NCOR1: variants seen among roughly 807,000 people sequenced by gnomAD.
NCOR1 encodes nuclear receptor corepressor 1.
A neutral mutation model predicts 288.1 loss-of-function variants in NCOR1; 63 were observed. The observed-to-expected ratio is 0.22, with a 90% confidence interval of 0.18 to 0.27. The LOEUF (loss-of-function observed/expected upper bound fraction) is 0.27. Among genes scored for constraint, NCOR1 ranks in the 10% least tolerant of loss-of-function variants. NCOR1 has a pLI of 1.00. For missense variants in NCOR1, 2,397 were observed against 3,019.2 expected, an observed-to-expected ratio of 0.79 and a Z score of 4.83; for synonymous variants, 1,007 against 1,065.9, an observed-to-expected ratio of 0.94 and a Z score of 1.08.
chr17:16,106,854 C>CATAT lies in NCOR1; in HGVS notation c.2182+1928_2182+1931dup, dbSNP rs1162344281. Among the ~76,000 whole-genome samples, 354 of 46,140 alleles carry CATAT rather than the reference C, an allele frequency of 7.7e-3. 2 individuals are homozygous for CATAT. Among genetic ancestry groups the CATAT allele is most frequent in the Middle Eastern group, 0.037 (2 of 54 alleles). The allele number at this position is 46,140 out of a possible 152,430, so 30.3% of individuals were successfully genotyped here. ...TGGTGCCACCCTACACTTGATCAGACATATATATATATATATATATATATA... is the reference window on the plus strand; with the variant it reads ...TGGTGCCACCCTACACTTGATCAGACATATATATATATATATATATATATATATA... On this transcript the variant is annotated intron_variant, in intron 19 of 45. Transcript: ENST00000268712.
chr17:16,189,307 T>C (rs1462418258), intron 2 of NCOR1, among the ~76,000 whole-genome samples: 2 of 152,050 alleles, frequency 1.3e-5, no homozygotes, highest in African/African-American at 4.8e-5. Context: ...GGCATGAGAA[T>C]TGCTTGCACC....
chr17:16,054,551 C>T (rs1299998342), intron 40 of NCOR1, among the ~76,000 whole-genome samples: 1 of 151,848 alleles, frequency 6.6e-6, no homozygotes, highest in Non-Finnish European at 1.5e-5. Flanking sequence ...GGGCAAATGA[C>T]ATGAACAGAC....
chr17:16,077,439 T>C (rs990250610), intron 26 of NCOR1, among the ~76,000 whole-genome samples: 2 of 100,722 alleles, frequency 2.0e-5, no homozygotes, highest in African/African-American at 3.8e-5. Flanking sequence ...AAAGGAAAGG[T>C]AAGGAAAGGG....
Position 16,080,513 on chromosome 17 carries a change from T to C in NCOR1, c.3299-4A>G, listed in dbSNP as rs2152815961. ...TGCTTGATGTAGGGCAAAGTAGCTG[T>C]GGAAAGGCAGAGAAACATGAAACAA... is the stretch of plus-strand genomic sequence containing the variant. On this transcript the variant is annotated splice_region_variant and splice_polypyrimidine_tract_variant and intron_variant, in intron 24 of 45. Coordinates refer to ENST00000268712, the MANE Select transcript of NCOR1 (RefSeq NM_006311.4). 1 of 1,613,966 alleles carries C rather than the reference T, an allele frequency of 6.2e-7. No homozygotes were observed. Among genetic ancestry groups the C allele is most frequent in the Non-Finnish European group, 8.5e-7 (1 of 1,179,942 alleles).
intron 11 of NCOR1, among the ~76,000 whole-genome samples, chr17:16,140,580 A>C (rs2077005539): frequency 6.6e-6 from 1 of 152,166 alleles, no homozygotes; most frequent in South Asian, 2.1e-4. Context: ...TTGGGAGGCC[A>C]AGGCAGGTGG....
At chr17:16,204,000 T>C (rs573145160) in intron 1 of NCOR1, among the ~76,000 whole-genome samples, 97 of 152,186 alleles carry the variant, frequency 6.4e-4, no homozygotes, top group African/African-American at 2.2e-3. Flanking sequence ...TAGACCAGAA[T>C]TGTCAAAGTC....
In NCOR1 at chr17:16,072,189, G is replaced by C. The variant is rs1368971970; in HGVS notation, c.3851C>G (p.Ser1284Cys). ...CRALPRGSPHSDLKERTVLSG... is the reference protein window; with the variant it reads ...CRALPRGSPHCDLKERTVLSG... ...CAATACAGTCCTTTCTTTGAGGTCA[G>C]AATGAGGACTCCCCCTGGGTAATGC... Residue 1284 changes from serine to cysteine, a missense_variant, in exon 29 of 46, where the codon TCT becomes TGT. Physicochemically the swap from Ser to Cys is moderately radical, Grantham distance 112. Transcript: ENST00000268712. The C allele has an allele frequency of 6.8e-6, 11 of 1,612,760 alleles. No homozygotes were observed. Among genetic ancestry groups the C allele is most frequent in the Non-Finnish European group, 9.3e-6 (11 of 1,179,368 alleles).
intron 2 of NCOR1, chr17:16,192,290 G>GATCACTT (rs1338847499): frequency 1.3e-5 from 2 of 151,132 alleles, no homozygotes; most frequent in African/African-American, 2.4e-5. Flanking sequence ...GAGGCAGGCA[G>GATCACTT]ATCACTTGAG....
chr17:16,184,746 G>A (rs1484278959), intron 3 of NCOR1, among the ~76,000 whole-genome samples: 2 of 152,066 alleles, frequency 1.3e-5, no homozygotes, highest in African/African-American at 4.8e-5. Flanking sequence ...TCACCATCTT[G>A]TAAAGGTAAA....
In NCOR1 at chr17:16,118,010, G is replaced by A. The variant is rs2153121553; in HGVS notation, c.1933C>T (p.Arg645Cys). 6.2e-7 allele frequency: 1 copy of A among 1,613,686 alleles called. No individual in the cohort carries two copies. The highest frequency in any genetic ancestry group is 8.5e-7 in the Non-Finnish European group (1 of 1,179,862). Residue 645 changes from arginine (R) to cysteine (C), a missense_variant, in exon 18 of 46, where the codon CGT (arginine) becomes TGT (cysteine). Around this residue, in one of 11 missense-constraint regions of NCOR1, gnomAD observed 24 missense variants for 84.3 expected, o/e 0.28. Transcript: ENST00000268712. ...ATTTTAGCAATTGCTGCCCAGTTACGACCATGTTCTACTAGACCTGCATTT... is the reference window on the plus strand; with the variant it reads ...ATTTTAGCAATTGCTGCCCAGTTACAACCATGTTCTACTAGACCTGCATTT... ...VAKKGLVEHG[R>C]NWAAIAKMVG...
At chr17:16,054,927 G>C (rs2059743905) in intron 40 of NCOR1, among the ~76,000 whole-genome samples, 1 of 152,070 alleles carries the variant, frequency 6.6e-6, no homozygotes, top group Admixed American at 6.5e-5. Context: ...GCAAGACTCT[G>C]TTTTAACAAC....
At chr17:16,119,232 C>T (rs533576101) in intron 17 of NCOR1, among the ~76,000 whole-genome samples, 191 bp downstream of exon 17, 2 of 152,234 alleles carry the variant, frequency 1.3e-5, no homozygotes, top group East Asian at 3.9e-4. Flanking sequence ...GCATCTTAAA[C>T]AAGGCACACT....
Position 16,138,991 on chromosome 17 carries a change from T to C in NCOR1, c.1352+17A>G. The C allele has an allele frequency of 6.7e-7, 1 of 1,486,432 alleles. No homozygotes were observed. The highest frequency in any genetic ancestry group is 9.0e-7 in the Non-Finnish European group (1 of 1,106,028). The allele number at this position is 1,486,432 out of a possible 1,614,324, so 92.1% of individuals were successfully genotyped here. A position where few individuals can be genotyped will look rare whatever the true frequency, so the allele number is the denominator to read the frequency against. On this transcript the variant is annotated intron_variant, in intron 12 of 45. Coordinates refer to ENST00000268712, the MANE Select transcript of NCOR1 (RefSeq NM_006311.4). ...TATGTAGATGTCTATTAGAGAATAA[T>C]TTAAAATATAAATTACTTGTCCTTA...
intron 3 of NCOR1, among the ~76,000 whole-genome samples, chr17:16,183,028 G>T (rs1209019784): frequency 1.3e-5 from 2 of 151,820 alleles, no homozygotes; most frequent in Non-Finnish European, 1.5e-5. Context: ...AAGAAGGAAA[G>T]TTCCTTAACA....
rs1165893850 is a variant in NCOR1, at chr17:16,065,625, T to A, written c.4811A>T (p.Tyr1604Phe). 1.9e-6 allele frequency: 3 copies of A among 1,614,078 alleles called. No individual in the cohort carries two copies. The highest frequency in any genetic ancestry group is 2.5e-6 in the Non-Finnish European group (3 of 1,180,046). ...TPGYPSQYQL[Y>F]AMENTRQTIL... is the part of the protein sequence containing the mutation. ...TGTCTGTCTTGTGTTCTCCATTGCGTAAAGCTGATACTGACTTGGGTAACC... is the reference window on the plus strand; with the variant it reads ...TGTCTGTCTTGTGTTCTCCATTGCGAAAAGCTGATACTGACTTGGGTAACC... The change falls in exon 33 of 46, where the codon TAC (tyrosine) becomes TTC (phenylalanine). Residue 1604 changes from tyrosine (Y) to phenylalanine (F), a missense_variant. Coordinates refer to ENST00000268712, the MANE Select transcript of NCOR1 (RefSeq NM_006311.4).
chr17:16,100,950 C>G (rs1447346300), intron 20 of NCOR1, among the ~76,000 whole-genome samples: 1 of 152,200 alleles, frequency 6.6e-6, no homozygotes, highest in Non-Finnish European at 1.5e-5. Context: ...TCCTCAGGCA[C>G]AACAGTTATC....
At position 16,121,093 on chromosome 17, in the gene NCOR1, GTAGCCGCTGCGGCTGCAGCAC is replaced by G. The variant is rs746733119; in HGVS notation, c.1790_1810del (p.Ser597_Ala603del). The G allele has an allele frequency of 6.8e-6, 11 of 1,614,074 alleles. No homozygotes were observed. The highest frequency in any genetic ancestry group is 9.3e-6 in the Non-Finnish European group (11 of 1,180,000). ...TGGCAGAGGTGGTGGGGGCTCTTCA[GTAGCCGCTGCGGCTGCAGCAC>G]TGGCAGCTGCAGCTTCGTTTGTCAT... On this transcript the variant is annotated inframe_deletion, in exon 16 of 46. Coordinates refer to ENST00000268712, the MANE Select transcript of NCOR1 (RefSeq NM_006311.4).
At chr17:16,145,956 A>T (rs1175701681) in intron 10 of NCOR1, among the ~76,000 whole-genome samples, 1 of 152,062 alleles carries the variant, frequency 6.6e-6, no homozygotes, top group Non-Finnish European at 1.5e-5. Flanking sequence ...TACTAAGAAA[A>T]ATTCTTCTGC....
intron 42 of NCOR1, among the ~76,000 whole-genome samples, chr17:16,042,160 C>CAA (rs10684399): frequency 1.3e-5 from 2 of 151,458 alleles, no homozygotes; most frequent in Non-Finnish European, 2.9e-5. Flanking sequence ...TTTAAACTGA[C>CAA]AGAGGAGAAA....
Sources: gnomAD v4.1 joint callset for allele counts (sites outside exome capture counted in the v4.1 genomes callset) on GRCh38, gnomAD v4.1.1 for gene constraint, gnomAD v4.1.1 regional missense constraint, MANE v1.5 for transcripts, NCBI Gene and HGNC (gene_info 2026-07-23, HGNC 2026-07-21) for gene names.